The following KCNK2 variants were observed in gnomAD, a reference collection of about 807,000 sequenced individuals.
KCNK2 encodes potassium two pore domain channel subfamily K member 2, also known as potassium channel subfamily K member 2.
KCNK2 carries 21 observed loss-of-function variants against 40.5 expected under a neutral mutation model. The observed-to-expected ratio is 0.52, with a 90% CI of 0.37 to 0.75. The LOEUF is 0.75. Ranked by LOEUF, KCNK2 falls within the 30% of genes least tolerant of loss-of-function variation. KCNK2 has a pLI of 0.00. For missense variants in KCNK2, 399 were observed against 531.6 expected, an observed-to-expected ratio of 0.75 and a Z score of 2.45; for synonymous variants, 191 against 202.2, an observed-to-expected ratio of 0.94 and a Z score of 0.47.
At chr1:215,113,617 GA>G (rs1660796025) in intron 2 of KCNK2, among the ~76,000 whole-genome samples, 1 of 152,038 alleles carries the variant, frequency 6.6e-6, no homozygotes, top group African/African-American at 2.4e-5. Flanking sequence ...ATTTTTTTGA[GA>G]CAGAGTCTTG....
At chr1:215,199,870 C>T (rs774799174) in intron 6 of KCNK2, among the ~76,000 whole-genome samples, 1 of 152,148 alleles carries the variant, frequency 6.6e-6, no homozygotes, top group Non-Finnish European at 1.5e-5. Context: ...CACAGGCATA[C>T]CTCAGGTTCC....
intron 1 of KCNK2, among the ~76,000 whole-genome samples, chr1:215,007,245 T>C (rs1656214704): frequency 7.5e-6 from 1 of 133,596 alleles, no homozygotes; most frequent in South Asian, 2.4e-4. Context: ...TTCCAATTAG[T>C]ATGTAATGTC....
At position 215,179,714 on chromosome 1, in the gene KCNK2, A is replaced by G. The variant is rs372080917; in HGVS notation, c.823+7531A>G. On this transcript the variant is annotated intron_variant, in intron 5 of 6. Coordinates refer to ENST00000444842, the MANE Select transcript of KCNK2 (RefSeq NM_001017425.3). ...TTGACTTCTATTGTAATTCCACTGT[A>G]GTCTGAGAGTATGGTTGGTATGCTT... Among the ~76,000 whole-genome samples, 89 of 152,200 alleles carry G rather than the reference A, an allele frequency of 5.8e-4. No homozygotes were observed. The South Asian group carries it at 0.017, about 29-fold the overall frequency.
intron 3 of KCNK2, among the ~76,000 whole-genome samples, chr1:215,161,808 T>C (rs1663209601): frequency 6.6e-6 from 1 of 152,216 alleles, no homozygotes; most frequent in Admixed American, 6.5e-5. Context: ...TGCCACATTT[T>C]CTTAATCCAG....
At chr1:215,099,381 A>G (rs1216159217) in intron 2 of KCNK2, among the ~76,000 whole-genome samples, 2 of 152,002 alleles carry the variant, frequency 1.3e-5, no homozygotes, top group South Asian at 4.1e-4. Flanking sequence ...TCATTGGAGT[A>G]TATATAAGAA....
intron 1 of KCNK2, among the ~76,000 whole-genome samples, chr1:215,071,263 C>T (rs1217769280): frequency 6.6e-6 from 1 of 152,158 alleles, no homozygotes; most frequent in Non-Finnish European, 1.5e-5. Flanking sequence ...TGTGACAACC[C>T]TGAATCAACA....
At position 215,060,646 on chromosome 1, in the gene KCNK2, C is replaced by T. The variant is rs376695518; in HGVS notation, c.35-25722C>T. ...AAAATTATGAATCTATATTTATCTA[C>T]ATGCCCGGGAGCAGTGTGTGTTACT... On this transcript the variant is annotated intron_variant, in intron 1 of 6. Transcript: ENST00000391895. Among the ~76,000 whole-genome samples, 9 of 152,302 alleles carry T rather than the reference C, an allele frequency of 5.9e-5. No homozygotes were observed. In the East Asian group the frequency reaches 1.2e-3, roughly 20 times the overall value.
intron 2 of KCNK2, among the ~76,000 whole-genome samples, chr1:215,109,849 G>A (rs964914380): frequency 1.3e-5 from 2 of 151,958 alleles, no homozygotes; most frequent in African/African-American, 2.4e-5. Context: ...CAGTGTATAC[G>A]AGTTCCCTTT....
intron 3 of KCNK2, among the ~76,000 whole-genome samples, chr1:215,145,476 A>T (rs1662374340): frequency 6.6e-6 from 1 of 152,152 alleles, no homozygotes; most frequent in South Asian, 2.1e-4. Context: ...AGTTGAGAAA[A>T]ATTACTGTGA....
chr1:215,213,269 T>G (rs1193971296), intron 6 of KCNK2, among the ~76,000 whole-genome samples: 2 of 152,162 alleles, frequency 1.3e-5, no homozygotes, highest in Non-Finnish European at 2.9e-5. Flanking sequence ...AATTGCCAAC[T>G]AAAAGCACTC....
intron 5 of KCNK2, among the ~76,000 whole-genome samples, chr1:215,179,593 A>G (rs900093822): frequency 7.9e-5 from 12 of 151,852 alleles, no homozygotes; most frequent in African/African-American, 2.2e-4. Flanking sequence ...AATTTTTTTA[A>G]TTTCTAGTTT....
chr1:215,007,209 A>ATGTG (rs1656209030), intron 1 of KCNK2, among the ~76,000 whole-genome samples: 2 of 85,240 alleles, frequency 2.3e-5, no homozygotes, highest in African/African-American at 8.0e-5. Flanking sequence ...ATATATATAT[A>ATGTG]TATATATATA....
At chr1:215,047,394 G>A (rs1218655062) in intron 1 of KCNK2, among the ~76,000 whole-genome samples, 2 of 152,004 alleles carry the variant, frequency 1.3e-5, no homozygotes, top group Non-Finnish European at 2.9e-5. Context: ...CTTCATTTTA[G>A]AGTTGAGGCA....
chr1:215,217,243 G>A (rs960954595), intron 6 of KCNK2, among the ~76,000 whole-genome samples: 2 of 152,088 alleles, frequency 1.3e-5, no homozygotes, highest in Non-Finnish European at 2.9e-5. Context: ...CCACACCCAT[G>A]CAATTGTACA....
intron 2 of KCNK2, among the ~76,000 whole-genome samples, chr1:215,102,391 G>A (rs1660259715): frequency 6.6e-6 from 1 of 151,910 alleles, no homozygotes; most frequent in Admixed American, 6.6e-5. Flanking sequence ...AGGATATAAG[G>A]AAAGAAAATC....
intron 1 of KCNK2, among the ~76,000 whole-genome samples, chr1:215,032,960 T>C (rs1020627623): frequency 6.6e-6 from 1 of 152,120 alleles, no homozygotes; most frequent in Non-Finnish European, 1.5e-5. Context: ...TTCCTTTCTT[T>C]CTTTATTCTT....
intron 6 of KCNK2, among the ~76,000 whole-genome samples, chr1:215,224,937 T>A (rs1339233755): frequency 6.6e-6 from 1 of 152,144 alleles, no homozygotes; most frequent in Non-Finnish European, 1.5e-5. Context: ...ATACTTGGGT[T>A]GCGTTGAGCA....
chr1:215,112,108 T>G (rs1187530070), intron 2 of KCNK2, among the ~76,000 whole-genome samples: 1 of 152,052 alleles, frequency 6.6e-6, no homozygotes, highest in Non-Finnish European at 1.5e-5. Context: ...TAGAGCGTGT[T>G]AGGTCCTGTT....
At chr1:215,195,445 T>A (rs1175513044) in intron 6 of KCNK2, among the ~76,000 whole-genome samples, 1 of 151,908 alleles carries the variant, frequency 6.6e-6, no homozygotes, top group Admixed American at 6.6e-5. Context: ...ATAGAAAATA[T>A]TTGTATCAAG....
Sources: gnomAD v4.1 joint callset for allele counts (sites outside exome capture counted in the v4.1 genomes callset) on GRCh38, gnomAD v4.1.1 for gene constraint, MANE v1.5 for transcripts, NCBI Gene and HGNC (gene_info 2026-07-23, HGNC 2026-07-21) for gene names.